SPTBN2: variants seen among roughly 807,000 people sequenced by gnomAD.
SPTBN2 encodes the protein spectrin beta chain, non-erythrocytic 2.
In SPTBN2, 107 loss-of-function variants were observed where a neutral mutation model predicts 284.2. The observed-to-expected ratio is 0.38, with a 90% CI of 0.32 to 0.44. The LOEUF (loss-of-function observed/expected upper bound fraction) is 0.44. Ranked by LOEUF, SPTBN2 falls within the 20% of genes least tolerant of loss-of-function variation. The probability of loss-of-function intolerance (pLI) is 1.00; values close to 1 mark genes in which losing one functional copy is unlikely to be tolerated. For missense variants in SPTBN2, 2,569 were observed against 3,287.1 expected (o/e 0.78, Z 5.34); for synonymous variants, 1,289 against 1,354.8 (o/e 0.95, Z 1.07).
chr11:66,713,327 G>A (rs192515633), intron 8 of SPTBN2, among the ~76,000 whole-genome samples: 269 of 151,160 alleles, frequency 1.8e-3, no homozygotes, highest in Non-Finnish European at 2.9e-3. Flanking sequence ...TTTTGGGGGG[G>A]AGGGGTAGTC....
chr11:66,738,340 A>G (rs1942869982), intron 1 of SPTBN2, among the ~76,000 whole-genome samples: 1 of 152,242 alleles, frequency 6.6e-6, no homozygotes, highest in Admixed American at 6.5e-5. Flanking sequence ...ATGGAAAACT[A>G]AAACATAACA....
At chr11:66,695,537 T>C (rs1204029724) in intron 21 of SPTBN2, among the ~76,000 whole-genome samples, 1 of 151,888 alleles carries the variant, frequency 6.6e-6, no homozygotes. Flanking sequence ...TGGGATTACA[T>C]GTGTGAGCCA....
At position 66,683,169 on chromosome 11, in the gene SPTBN2, G is replaced by A. The variant is rs1352940607; in HGVS notation, c.*2702C>T. Among the ~76,000 whole-genome samples, 3 of 140,558 alleles carry A rather than the reference G, an allele frequency of 2.1e-5. No homozygotes were observed. Among genetic ancestry groups the A allele is most frequent in the Non-Finnish European group, 4.5e-5 (3 of 66,480 alleles). 92.2% of individuals were successfully genotyped at this position (140,558 alleles called of 152,430 possible). The stretch of plus-strand genomic sequence containing the variant: ...TGCAAGCTCCGCCTCCCGGGTTCAC[G>A]CCATTCTCCTGCCTCAGCCTCCCAA... On this transcript the variant is annotated 3_prime_UTR_variant, in exon 38 of 38. Transcript: ENST00000533211.
Position 66,710,934 on chromosome 11 carries a change from C to T in SPTBN2, c.868G>A (p.Gly290Ser). 1 of 1,614,256 alleles carries T rather than the reference C, an allele frequency of 6.2e-7. No homozygotes were observed. Among genetic ancestry groups the T allele is most frequent in the Non-Finnish European group, 8.5e-7 (1 of 1,180,054 alleles). ...FSKMKALAVE[G>S]KRIGKVLDHA... ...GACAGTACCTTGCCAATTCTCTTGC[C>T]TTCCACGGCCAGGGCCTTCATCTTG... Residue 290 changes from glycine to serine, a missense_variant, in exon 9 of 38, where the codon GGC (glycine) becomes AGC (serine). Transcript: ENST00000533211. The surrounding 1 kb of genome is among the most constrained non-coding windows in gnomAD (Gnocchi z 4.9).
intron 15 of SPTBN2, 48 bp from the exon 16 acceptor site, chr11:66,701,769 G>A: frequency 6.2e-7 from 1 of 1,613,440 alleles, no homozygotes. Context: ...GCAGCGATGT[G>A]CCCAGTCCAC....
chr11:66,706,804 T>A (rs1009186215), intron 13 of SPTBN2, among the ~76,000 whole-genome samples: 18 of 148,498 alleles, frequency 1.2e-4, no homozygotes, highest in Non-Finnish European at 3.0e-5. Flanking sequence ...GGTTAATTTC[T>A]GTATTTTTAT....
chr11:66,691,487 C>G lies in SPTBN2; in HGVS notation c.5362G>C (p.Glu1788Gln). 1.2e-6 allele frequency: 2 copies of G among 1,611,988 alleles called. No individual in the cohort carries two copies. Among genetic ancestry groups the G allele is most frequent in the Non-Finnish European group, 1.7e-6 (2 of 1,179,990 alleles). ...SLNEAWADLLELLDTRGQVLA... is the reference protein window; with the variant it reads ...SLNEAWADLLQLLDTRGQVLA... ...ACCTGACCCCGTGTGTCCAGCAGCTCAAGCAGGTCAGCCCAGGCCTCGTTG... is the reference window on the plus strand; with the variant it reads ...ACCTGACCCCGTGTGTCCAGCAGCTGAAGCAGGTCAGCCCAGGCCTCGTTG... Residue 1788 changes from glutamate to glutamine, a missense_variant, in exon 27 of 38, where the codon GAG becomes CAG. Glu to Gln is a conservative substitution (Grantham distance 29). Transcript: ENST00000533211. The surrounding 1 kb of genome is among the most constrained non-coding windows in gnomAD (Gnocchi z 8.0).
intron 1 of SPTBN2, among the ~76,000 whole-genome samples, chr11:66,740,468 CCT>C (rs1387477134): frequency 1.3e-5 from 2 of 152,114 alleles, no homozygotes; most frequent in Non-Finnish European, 2.9e-5. Flanking sequence ...CTGTCTGACC[CCT>C]GATAAGAAAG....
In SPTBN2 at chr11:66,704,805, T is replaced by C; in HGVS notation, c.2471A>G (p.Gln824Arg). ...CCGCTCCAGGGTGGGCACCCGGCTC[T>C]GCACCTCGGGCGTGCGGCTCAGTGT... ...PPTLSRTPEVQSRVPTLERHY... is the reference protein window; with the variant it reads ...PPTLSRTPEVRSRVPTLERHY... Residue 824 changes from glutamine (Q) to arginine (R), a missense_variant, in exon 15 of 38, where the codon CAG becomes CGG. Transcript: ENST00000533211. The C allele has an allele frequency of 6.2e-7, 1 of 1,605,504 alleles. No homozygotes were observed. The highest frequency in any genetic ancestry group is 8.5e-7 in the Non-Finnish European group (1 of 1,178,760).
At chr11:66,736,646 T>C (rs1346049434) in intron 1 of SPTBN2, among the ~76,000 whole-genome samples, 1 of 152,226 alleles carries the variant, frequency 6.6e-6, no homozygotes, top group African/African-American at 2.4e-5. Flanking sequence ...ATTACACTCA[T>C]CTGCTTAAAA....
chr11:66,688,213 C>A lies in SPTBN2; in HGVS notation c.6330G>T (p.Gly2110=). ...APEPTASVPP[G]DLVGGQTASD... is the part of the protein sequence containing the mutation. ...AAGCTGTCTGGCCGCCCACCAGGTC[C>A]CCTGGAGGCACACTGGCTGTGGGTT... Residue 2110 remains glycine, a synonymous_variant, in exon 32 of 38, where the codon GGG becomes GGT. Transcript: ENST00000533211. 6.2e-7 allele frequency: 1 copy of A among 1,613,710 alleles called. No individual in the cohort carries two copies. Among genetic ancestry groups the A allele is most frequent in the Non-Finnish European group, 8.5e-7 (1 of 1,180,040 alleles).
intron 1 of SPTBN2, among the ~76,000 whole-genome samples, chr11:66,737,676 G>A (rs56848911): frequency 0.063 from 9,590 of 152,230 alleles, 380 homozygotes; most frequent in East Asian, 0.12. Flanking sequence ...ATACCAACTT[G>A]TTATGACTGT....
At chr11:66,686,515 C>A in intron 36 of SPTBN2, 75 bp from the exon 37 acceptor site, 3 of 1,521,384 alleles carry the variant, frequency 2.0e-6, no homozygotes, top group Non-Finnish European at 2.7e-6. Flanking sequence ...AGAGCGTAAT[C>A]ATGACCCAAC....
intron 16 of SPTBN2, 29 bp from the exon 17 acceptor site, chr11:66,701,311 T>C: frequency 2.5e-6 from 4 of 1,609,360 alleles, no homozygotes; most frequent in Non-Finnish European, 3.4e-6. Context: ...TTCAGCTTCC[T>C]GCCCTGGCCA....
chr11:66,726,692 G>A (rs1327204857), intron 1 of SPTBN2, among the ~76,000 whole-genome samples: 1 of 152,224 alleles, frequency 6.6e-6, no homozygotes, highest in East Asian at 1.9e-4. Flanking sequence ...ACAGCACAGC[G>A]AACCGCAGAT....
chr11:66,691,171 A>G lies in SPTBN2; in HGVS notation c.5565+113T>C. On this transcript the variant is annotated intron_variant, in intron 27 of 37. Coordinates refer to ENST00000533211, the MANE Select transcript of SPTBN2 (RefSeq NM_006946.4). The surrounding 1 kb of genome is among the most constrained non-coding windows in gnomAD (Gnocchi z 8.0). The stretch of plus-strand genomic sequence containing the variant: ...CTCATCTCGAAATGGCCCTCGAAAG[A>G]GTGCCGTCCTCCCAGCATTTCTGAG... The G allele has an allele frequency of 2.9e-6, 4 of 1,394,514 alleles. No homozygotes were observed. Among genetic ancestry groups the G allele is most frequent in the African/African-American group, 1.5e-5 (1 of 68,886 alleles). The allele number at this position is 1,394,514 out of a possible 1,614,324, so 86.4% of individuals were successfully genotyped here. A position where few individuals can be genotyped will look rare whatever the true frequency, so the allele number is the denominator to read the frequency against.
At chr11:66,719,669 C>T (rs1942304170) in intron 3 of SPTBN2, among the ~76,000 whole-genome samples, 1 of 152,016 alleles carries the variant, frequency 6.6e-6, no homozygotes, top group Non-Finnish European at 1.5e-5. Context: ...TGGTGAGAGT[C>T]CTGGGAGGCA....
At chr11:66,728,449 C>T (rs1176974097) in intron 1 of SPTBN2, 2 of 150,582 alleles carry the variant, frequency 1.3e-5, no homozygotes, top group Middle Eastern at 3.5e-3. Context: ...CGCGGGAGGC[C>T]CGGGACCATC....
In SPTBN2 at chr11:66,707,707, C is replaced by T. The variant is rs1382186705; in HGVS notation, c.1462G>A (p.Ala488Thr). Reference protein sequence around the residue: ...SGRVQAVDAVAAELAAERYHD... With the variant: ...SGRVQAVDAVTAELAAERYHD... ...TAGCGCTCGGCGGCCAGCTCTGCAG[C>T]CACGGCGTCCACTGCCTGCACCCGG... Residue 488 changes from alanine (A) to threonine (T), a missense_variant, in exon 13 of 38, where the codon GCT (alanine) becomes ACT (threonine). Ala to Thr is a moderately conservative substitution (Grantham distance 58). Transcript: ENST00000533211. This position sits in a 1 kb window ranked among gnomAD's most constrained non-coding sequence, Gnocchi z 4.9. The T allele has an allele frequency of 1.2e-6, 2 of 1,604,918 alleles. No homozygotes were observed. Among genetic ancestry groups the T allele is most frequent in the Non-Finnish European group, 1.7e-6 (2 of 1,178,774 alleles).
Sources: gnomAD v4.1 joint callset for allele counts (sites outside exome capture counted in the v4.1 genomes callset) on GRCh38, gnomAD v4.1.1 for gene constraint, Gnocchi (gnomAD v3.1) non-coding constraint, MANE v1.5 for transcripts, NCBI Gene and HGNC (gene_info 2026-07-23, HGNC 2026-07-21) for gene names.